The following TJP3 variants were observed in gnomAD, a reference collection of about 807,000 sequenced individuals.
The protein encoded by TJP3 is tight junction protein 3, also known as tight junction protein ZO-3.
Under a neutral mutation model 104.2 loss-of-function variants are expected in TJP3, and 85 were observed. The observed-to-expected ratio is 0.82, with a 90% CI of 0.68 to 0.98. The LOEUF (loss-of-function observed/expected upper bound fraction) is 0.98. Ranked by LOEUF, TJP3 falls within the 50% of genes least tolerant of loss-of-function variation. TJP3 has a pLI of 0.00. For synonymous variants in TJP3, 550 were observed against 550.6 expected (o/e 1.00, Z 0.02); for missense variants, 1,367 against 1,322.8 (o/e 1.03, Z -0.52).
intron 19 of TJP3, among the ~76,000 whole-genome samples, chr19:3,748,460 C>G (rs777739999): frequency 1.2e-4 from 18 of 150,708 alleles, no homozygotes; most frequent in Non-Finnish European, 2.4e-4. Context: ...TTAGTAGAGA[C>G]GGGGTTTCAC....
chr19:3,747,733 T>A, intron 18 of TJP3, 61 bp from the exon 19 acceptor site: 8 of 1,463,004 alleles, frequency 5.5e-6, no homozygotes, highest in Non-Finnish European at 7.2e-6. Flanking sequence ...TGGGGGGATG[T>A]CGTGGGTGGC....
intron 10 of TJP3, 92 bp downstream of exon 10, chr19:3,736,027 T>A: frequency 6.3e-7 from 1 of 1,582,646 alleles, no homozygotes; most frequent in Non-Finnish European, 8.7e-7. Flanking sequence ...TTGTATCCAT[T>A]GTGTTGAGTG....
At chr19:3,719,224 AT>A (rs547717302) in intron 1 of TJP3, among the ~76,000 whole-genome samples, 2 of 147,646 alleles carry the variant, frequency 1.4e-5, no homozygotes, top group East Asian at 2.1e-4. Flanking sequence ...ATCTAAAATG[AT>A]TTTTTGCGCC....
In TJP3 at chr19:3,746,460, C is replaced by CA; in HGVS notation, c.2011-25_2011-24insA. The CA allele has an allele frequency of 6.2e-7, 1 of 1,612,664 alleles. No homozygotes were observed. The highest frequency in any genetic ancestry group is 8.5e-7 in the Non-Finnish European group (1 of 1,179,334). ...TTTACCCTGCTGCAATCCCCCTCAC[C>CA]CCAACGTCCGCCGGCCTGGCCCAGG... On this transcript the variant is annotated intron_variant, in intron 16 of 20. Coordinates refer to ENST00000541714, the MANE Select transcript of TJP3 (RefSeq NM_001267560.2). The surrounding 1 kb of genome is among the most constrained non-coding windows in gnomAD (Gnocchi z 4.1).
intron 15 of TJP3, 144 bp from the exon 16 acceptor site, chr19:3,745,867 T>G (rs2036880178): frequency 1.5e-6 from 1 of 672,620 alleles, no homozygotes; most frequent in Non-Finnish European, 2.5e-6. Context: ...TTGGCCAACA[T>G]GAGTTTCTGC....
Position 3,721,864 on chromosome 19 carries a change from A to G in TJP3, c.-9-6560A>G. The G allele has an allele frequency of 2.6e-6, 3 of 1,175,750 alleles. No homozygotes were observed. In the Admixed American group the frequency reaches 1.3e-4, roughly 53 times the overall value. The allele number at this position is 1,175,750 out of a possible 1,614,324, so 72.8% of individuals were successfully genotyped here. A position where few individuals can be genotyped will look rare whatever the true frequency, so the allele number is the denominator to read the frequency against. On this transcript the variant is annotated intron_variant, in intron 1 of 20. Transcript: ENST00000541714. ...GACTGTTTCCAGGACCCCCTCGGGTAGGGGGGCTGGAGAGCCCCCAGGTGG... is the reference window on the plus strand; with the variant it reads ...GACTGTTTCCAGGACCCCCTCGGGTGGGGGGGCTGGAGAGCCCCCAGGTGG...
intron 19 of TJP3, among the ~76,000 whole-genome samples, 186 bp downstream of exon 19, chr19:3,748,267 A>ATTT (rs1274711670): frequency 4.2e-4 from 50 of 119,718 alleles, no homozygotes; most frequent in African/African-American, 1.3e-3. Context: ...AACTTGCAGC[A>ATTT]TTTTTTTTTT....
chr19:3,728,285 C>T, intron 1 of TJP3, 139 bp from the exon 2 acceptor site: 13 of 1,356,536 alleles, frequency 9.6e-6, no homozygotes, highest in South Asian at 1.4e-5. Flanking sequence ...ACCTGAGGCC[C>T]TGAGAGAGGT....
intron 19 of TJP3, 40 bp from the exon 20 acceptor site, chr19:3,750,098 T>G: frequency 6.2e-7 from 1 of 1,613,708 alleles, no homozygotes; most frequent in Non-Finnish European, 8.5e-7. Context: ...CACCATGCTC[T>G]GGGGGGAGTT....
At position 3,739,119 on chromosome 19, in the gene TJP3, T is replaced by A. The variant is rs750790583; in HGVS notation, c.1616T>A (p.Ile539Asn). 1.9e-5 allele frequency: 29 copies of A among 1,562,488 alleles called. No homozygotes were observed. The highest frequency in any genetic ancestry group is 2.6e-6 in the Non-Finnish European group (3 of 1,151,684). Residue 539 changes from isoleucine (I) to asparagine (N), a missense_variant, in exon 13 of 21, where the codon ATT becomes AAT. Coordinates refer to ENST00000541714, the MANE Select transcript of TJP3 (RefSeq NM_001267560.2). ...CTGCGGGAGCAAGAGCGGGGCATCA[T>A]TCCCAACCAGAGCAGGTGGGGACTG... ...RDLREQERGI[I>N]PNQSRAEQLA...
chr19:3,746,783 C>A lies in TJP3; in HGVS notation c.2229C>A (p.Ile743=). Residue 743 remains isoleucine (I), a synonymous_variant, in exon 18 of 21, where the codon ATC becomes ATA. Transcript: ENST00000541714. The surrounding 1 kb of genome is among the most constrained non-coding windows in gnomAD (Gnocchi z 4.1). The part of the protein sequence containing the change: ...KHSSHLFTAT[I]PLNGTSDTWY... Reference sequence around the variant, plus strand: ...GACGTCCCCTCCCTGCAGCCACCATCCCTCTGAATGGCACGAGTGACACCT... The same window carrying A: ...GACGTCCCCTCCCTGCAGCCACCATACCTCTGAATGGCACGAGTGACACCT... 6.2e-7 allele frequency: 1 copy of A among 1,609,216 alleles called. No individual in the cohort carries two copies. The highest frequency in any genetic ancestry group is 8.5e-7 in the Non-Finnish European group (1 of 1,177,790).
At chr19:3,734,733 T>A (rs2036717076) in intron 8 of TJP3, among the ~76,000 whole-genome samples, 1 of 152,098 alleles carries the variant, frequency 6.6e-6, no homozygotes, top group Non-Finnish European at 1.5e-5. Context: ...GGAGGGTGGA[T>A]CATCTGAGGT....
At position 3,734,451 on chromosome 19, in the gene TJP3, C is replaced by T. The variant is rs750108096; in HGVS notation, c.986+16C>T. 29 of 1,589,094 alleles carry T rather than the reference C, an allele frequency of 1.8e-5. No homozygotes were observed. Among genetic ancestry groups the T allele is most frequent in the Admixed American group, 7.0e-5 (4 of 57,156 alleles). ...ACTCTCCCGTGTAAGTATCACCCATCGGCCAGAATGGTGATAGGGAGGGAG... is the reference window on the plus strand; with the variant it reads ...ACTCTCCCGTGTAAGTATCACCCATTGGCCAGAATGGTGATAGGGAGGGAG... On this transcript the variant is annotated intron_variant, in intron 8 of 20. Transcript: ENST00000541714.
At position 3,746,365 on chromosome 19, in the gene TJP3, G is replaced by C. The variant is rs2036887757; in HGVS notation, c.2011-120G>C. The C allele has an allele frequency of 4.4e-6, 5 of 1,132,862 alleles. No homozygotes were observed. Among genetic ancestry groups the C allele is most frequent in the African/African-American group, 3.1e-5 (2 of 64,446 alleles). The allele number at this position is 1,132,862 out of a possible 1,614,324, so 70.2% of individuals were successfully genotyped here. A position where few individuals can be genotyped will look rare whatever the true frequency, so the allele number is the denominator to read the frequency against. The stretch of plus-strand genomic sequence containing the variant: ...TACCACCCCCATCCCCAACTTGCTA[G>C]CCTGTGGATGTGAGAGGCTGGGGTC... On this transcript the variant is annotated intron_variant, in intron 16 of 20. Transcript: ENST00000541714. The surrounding 1 kb of genome is among the most constrained non-coding windows in gnomAD (Gnocchi z 4.1).
intron 1 of TJP3, among the ~76,000 whole-genome samples, chr19:3,721,009 C>T (rs374643044): frequency 8.7e-5 from 13 of 149,666 alleles, no homozygotes; most frequent in African/African-American, 3.2e-4. Context: ...CCGGGTTCAA[C>T]CGATTCTCCT....
intron 3 of TJP3, 73 bp from the exon 4 acceptor site, chr19:3,729,955 C>G: frequency 7.8e-7 from 1 of 1,285,718 alleles, no homozygotes; most frequent in Non-Finnish European, 1.1e-6. Flanking sequence ...GGGGCACCCC[C>G]TCCCCAGGGA....
intron 1 of TJP3, among the ~76,000 whole-genome samples, chr19:3,723,220 A>G (rs2036561608): frequency 6.6e-6 from 1 of 152,198 alleles, no homozygotes; most frequent in Non-Finnish European, 1.5e-5. Flanking sequence ...ATCCACTCTG[A>G]CATCCCACAC....
chr19:3,730,490 G>A lies in TJP3; in HGVS notation c.397G>A (p.Asp133Asn), dbSNP rs766424577. 16 of 1,586,022 alleles carry A rather than the reference G, an allele frequency of 1.0e-5. No homozygotes were observed. The highest frequency in any genetic ancestry group is 1.2e-5 in the Non-Finnish European group (14 of 1,167,074). Residue 133 changes from aspartate (D) to asparagine (N), a missense_variant, in exon 5 of 21, where the codon GAC (aspartate) becomes AAC (asparagine). By Grantham distance (23) the Asp-to-Asn change is conservative. Transcript: ENST00000541714. This position sits in a 1 kb window ranked among gnomAD's most constrained non-coding sequence, Gnocchi z 7.3. ...EVDQGRGYDG[D>N]SSSGSGRSWD... The stretch of plus-strand genomic sequence containing the variant: ...GGACCAGGGCCGGGGCTATGACGGC[G>A]ACTCATCCAGTGGCTCCGGCCGCTC...
rs993141846 is a variant in TJP3, at chr19:3,716,634, A to C, written c.-10+8073A>C. 1.4e-4 allele frequency among the ~76,000 whole-genome samples: 20 copies of C among 144,764 alleles called. No individual in the cohort carries two copies. In the East Asian group the frequency reaches 1.4e-3, roughly 10 times the overall value. The allele number at this position is 144,764 out of a possible 152,430, so 95.0% of individuals were successfully genotyped here. ...AGGACTTTAACCCACTTATTTCTTT[A>C]TTTATTTTTGAGACAGCGTCTAGCT... is the stretch of plus-strand genomic sequence containing the variant. On this transcript the variant is annotated intron_variant, in intron 1 of 20. Coordinates refer to ENST00000541714, the MANE Select transcript of TJP3 (RefSeq NM_001267560.2).
Sources: gnomAD v4.1 joint callset for allele counts (sites outside exome capture counted in the v4.1 genomes callset) on GRCh38, gnomAD v4.1.1 for gene constraint, Gnocchi (gnomAD v3.1) non-coding constraint, MANE v1.5 for transcripts, NCBI Gene and HGNC (gene_info 2026-07-23, HGNC 2026-07-21) for gene names.